The following SAMD5 variants were observed in gnomAD, a reference collection of about 807,000 sequenced individuals.
The protein encoded by SAMD5 is sterile alpha motif domain containing 5, also known as sterile alpha motif domain-containing protein 5.
Under a neutral mutation model 11.3 loss-of-function variants are expected in SAMD5, and 13 were observed. The ratio of observed to expected loss-of-function variants is 1.15; its 90% CI spans 0.75 to 1.83. The LOEUF is 1.83. Among genes scored for constraint, SAMD5 ranks in the 40% most tolerant of loss-of-function variants. The pLI, the probability that SAMD5 is intolerant of heterozygous loss-of-function variation, is 0.00. For synonymous variants in SAMD5, 129 were observed against 111.3 expected (o/e 1.16, Z -1.00); for missense variants, 255 against 239.1 (o/e 1.07, Z -0.44).
At chr6:147,799,128 T>C in the SAMD5 span, among the ~76,000 whole-genome samples, 13 of 151,968 alleles carry the variant, frequency 8.6e-5, no homozygotes, top group Admixed American at 5.2e-4. Context: ...TAGCTGGTGA[T>C]TTTGCTCGTT....
chr6:147,702,557 G>A (rs980323414), intron 1 of SAMD5, among the ~76,000 whole-genome samples: 3 of 152,188 alleles, frequency 2.0e-5, no homozygotes, highest in Admixed American at 2.0e-4. Flanking sequence ...GTGTGTGAAG[G>A]TTATTGCTTA....
chr6:147,603,576 G>A (rs1789654869), intron 1 of SAMD5, among the ~76,000 whole-genome samples: 1 of 152,122 alleles, frequency 6.6e-6, no homozygotes, highest in African/African-American at 2.4e-5. Flanking sequence ...GCATCTCCCA[G>A]CACCAGGGCC....
At chr6:147,900,109 C>T in the SAMD5 span, among the ~76,000 whole-genome samples, 7 of 152,190 alleles carry the variant, frequency 4.6e-5, no homozygotes, top group Non-Finnish European at 7.3e-5. Flanking sequence ...TCCTAATCTA[C>T]AGCCCCTGGA....
the SAMD5 span, among the ~76,000 whole-genome samples, chr6:147,875,735 A>C: frequency 6.6e-6 from 1 of 152,068 alleles, no homozygotes; most frequent in Non-Finnish European, 1.5e-5. Context: ...CCCTATTGTG[A>C]ACTGCGCAGG....
intron 1 of SAMD5, among the ~76,000 whole-genome samples, chr6:147,612,967 G>A (rs1447295283): frequency 1.3e-5 from 2 of 152,120 alleles, no homozygotes; most frequent in Non-Finnish European, 2.9e-5. Context: ...GGGAGGCCTA[G>A]GCGGGTAGAT....
Position 147,566,002 on chromosome 6 carries a change from A to G in SAMD5, c.*1546A>G. The G allele has an allele frequency of 1.0e-6, 1 of 985,286 alleles. No individual in the cohort carries two copies. Among genetic ancestry groups the G allele is most frequent in the Middle Eastern group, 5.2e-4 (1 of 1,914 alleles). 61.0% of individuals were successfully genotyped at this position (985,286 alleles called of 1,614,324 possible). On this transcript the variant is annotated 3_prime_UTR_variant, in exon 2 of 2. Coordinates refer to ENST00000367474, the MANE Select transcript of SAMD5 (RefSeq NM_001030060.3). Reference sequence around the variant, plus strand: ...AATAAGAAACTCTCAAAGGAAAAGAAACTTACATTCACTTTTTCCTGGTCC... The same window carrying G: ...AATAAGAAACTCTCAAAGGAAAAGAGACTTACATTCACTTTTTCCTGGTCC...
chr6:147,870,722 A>G, the SAMD5 span, among the ~76,000 whole-genome samples: 1 of 148,520 alleles, frequency 6.7e-6, no homozygotes, highest in Non-Finnish European at 1.5e-5. Context: ...GAAATGAGGG[A>G]GAGGAAATCT....
At chr6:147,518,545 G>A (rs1788206523) in intron 1 of SAMD5, among the ~76,000 whole-genome samples, 1 of 152,186 alleles carries the variant, frequency 6.6e-6, no homozygotes, top group Non-Finnish European at 1.5e-5. Flanking sequence ...AGTAAGGCGA[G>A]TCAGATGACG....
chr6:147,811,152 G>C, the SAMD5 span, among the ~76,000 whole-genome samples: 1 of 152,200 alleles, frequency 6.6e-6, no homozygotes, highest in African/African-American at 2.4e-5. Flanking sequence ...TAATGTCATA[G>C]AGTAGTAGAG....
chr6:147,830,553 G>T, the SAMD5 span, among the ~76,000 whole-genome samples: 2 of 152,010 alleles, frequency 1.3e-5, no homozygotes, highest in African/African-American at 4.8e-5. Context: ...ACCGCGCCCG[G>T]CCCCAGTAAG....
the SAMD5 span, among the ~76,000 whole-genome samples, chr6:147,837,947 T>A: frequency 6.6e-6 from 1 of 151,792 alleles, no homozygotes; most frequent in African/African-American, 2.4e-5. Context: ...GCCTCCACAG[T>A]GATTTAGCCC....
the SAMD5 span, among the ~76,000 whole-genome samples, chr6:147,837,395 C>T: frequency 6.6e-6 from 1 of 152,198 alleles, no homozygotes; most frequent in African/African-American, 2.4e-5. Flanking sequence ...CCAACTCGCT[C>T]ATGGCACTCC....
the SAMD5 span, among the ~76,000 whole-genome samples, chr6:147,748,738 G>A: frequency 1.3e-5 from 2 of 152,140 alleles, no homozygotes; most frequent in Non-Finnish European, 2.9e-5. Flanking sequence ...ATTTCTACCA[G>A]GAAATGAAGT....
At chr6:147,676,170 C>G (rs1019765290) in intron 1 of SAMD5, 5 of 152,020 alleles carry the variant, frequency 3.3e-5, no homozygotes, top group African/African-American at 1.2e-4. Flanking sequence ...GTATTAAGTT[C>G]AATTCAAACA....
At chr6:147,909,560 T>TTTTCTTTCTTTCTTTC in the SAMD5 span, among the ~76,000 whole-genome samples, 171 of 78,884 alleles carry the variant, frequency 2.2e-3, no homozygotes, top group Admixed American at 2.3e-3. Flanking sequence ...CATCCATCTT[T>TTTTCTTTCTTTCTTTC]TTTCTTTCTT....
chr6:147,630,148 C>T (rs1228888337), intron 1 of SAMD5, among the ~76,000 whole-genome samples: 5 of 151,978 alleles, frequency 3.3e-5, no homozygotes, highest in Non-Finnish European at 1.5e-5. Flanking sequence ...GAGGTTTCTC[C>T]ATGTTGGTCA....
chr6:147,635,349 A>G (rs1583116388), intron 1 of SAMD5, among the ~76,000 whole-genome samples: 1 of 152,194 alleles, frequency 6.6e-6, no homozygotes, highest in Non-Finnish European at 1.5e-5. Context: ...TACATGAGCT[A>G]TTTCATTAGT....
At chr6:147,631,557 G>A (rs972308374) in intron 1 of SAMD5, among the ~76,000 whole-genome samples, 1 of 152,148 alleles carries the variant, frequency 6.6e-6, no homozygotes, top group African/African-American at 2.4e-5. Flanking sequence ...ACTAGTAAAG[G>A]CCAGTCTGTT....
chr6:147,911,531 G>T, the SAMD5 span, among the ~76,000 whole-genome samples: 1 of 152,164 alleles, frequency 6.6e-6, no homozygotes, highest in Non-Finnish European at 1.5e-5. Context: ...TGAGATCTGT[G>T]GGGCAAAATA....
Sources: allele counts gnomAD v4.1 joint callset (sites outside exome capture counted in the v4.1 genomes callset), GRCh38; gene constraint gnomAD v4.1.1; transcripts MANE v1.5; gene names NCBI Gene and HGNC (gene_info 2026-07-23, HGNC 2026-07-21).